Variants in ARB2A observed in about 807,000 individuals in gnomAD.
The protein encoded by ARB2A is cotranscriptional regulator ARB2A.
chr5:93,950,961 A>AT, the ARB2A span, among the ~76,000 whole-genome samples: 1 of 150,878 alleles, frequency 6.6e-6, no homozygotes, highest in East Asian at 1.9e-4. Flanking sequence ...AAAAAAAATA[A>AT]AATAAAATAA....
chr5:94,059,844 A>C, the ARB2A span, among the ~76,000 whole-genome samples: 1 of 152,086 alleles, frequency 6.6e-6, no homozygotes, highest in African/African-American at 2.4e-5. Context: ...AAAAAGCTGA[A>C]ATAATTTATC....
the ARB2A span, among the ~76,000 whole-genome samples, chr5:93,944,114 T>G: frequency 6.6e-6 from 1 of 152,164 alleles, no homozygotes; most frequent in African/African-American, 2.4e-5. Flanking sequence ...GAGGTCATCT[T>G]TGAGGTTTAC....
chr5:93,659,788 C>CT, the ARB2A span, among the ~76,000 whole-genome samples: 1 of 152,042 alleles, frequency 6.6e-6, no homozygotes, highest in African/African-American at 2.4e-5. Flanking sequence ...ACATAAGAGG[C>CT]TTTTTTCTTT....
the ARB2A span, among the ~76,000 whole-genome samples, chr5:93,715,287 T>A: frequency 1.3e-4 from 20 of 152,286 alleles, no homozygotes; most frequent in African/African-American, 4.6e-4. Context: ...AAACTATAGC[T>A]AAATTTTTTT....
chr5:93,968,102 A>G, the ARB2A span, among the ~76,000 whole-genome samples: 1 of 152,144 alleles, frequency 6.6e-6, no homozygotes, highest in African/African-American at 2.4e-5. Context: ...ATCTCACACT[A>G]AAGACCTATT....
At chr5:93,635,108 G>A in the ARB2A span, among the ~76,000 whole-genome samples, 1 of 152,038 alleles carries the variant, frequency 6.6e-6, no homozygotes, top group Non-Finnish European at 1.5e-5. Context: ...TTTACCAAAA[G>A]ATTGCAAAGT....
At chr5:93,730,475 T>C in the ARB2A span, among the ~76,000 whole-genome samples, 1 of 152,146 alleles carries the variant, frequency 6.6e-6, no homozygotes, top group Non-Finnish European at 1.5e-5. Flanking sequence ...ATTTATAATA[T>C]CTGTATTATT....
chr5:94,066,453 C>T, the ARB2A span, among the ~76,000 whole-genome samples: 1 of 151,216 alleles, frequency 6.6e-6, no homozygotes, highest in Non-Finnish European at 1.5e-5. Flanking sequence ...CACACACACA[C>T]ACACACACAC....
the ARB2A span, among the ~76,000 whole-genome samples, chr5:93,730,101 C>G: frequency 5.3e-5 from 8 of 152,024 alleles, no homozygotes; most frequent in Non-Finnish European, 7.4e-5. Flanking sequence ...AAAAATGATA[C>G]AATTTTTTAT....
At chr5:93,800,349 A>T in the ARB2A span, among the ~76,000 whole-genome samples, 2 of 151,428 alleles carry the variant, frequency 1.3e-5, no homozygotes. Flanking sequence ...CCTTTAGCTA[A>T]TAAAAATAGG....
chr5:93,740,670 G>A, the ARB2A span: 39 of 1,613,826 alleles, frequency 2.4e-5, no homozygotes, highest in Non-Finnish European at 3.2e-5. Flanking sequence ...TATCCACTGG[G>A]AGCCCCAGTC....
chr5:93,869,850 C>G, the ARB2A span, among the ~76,000 whole-genome samples: 2 of 152,208 alleles, frequency 1.3e-5, no homozygotes, highest in Non-Finnish European at 2.9e-5. Context: ...CACTGCCTAT[C>G]CCAAAACCTG....
the ARB2A span, among the ~76,000 whole-genome samples, chr5:93,885,898 TA>T: frequency 3.3e-5 from 5 of 151,718 alleles, no homozygotes; most frequent in African/African-American, 1.2e-4. Flanking sequence ...CACTTACTAA[TA>T]AATAATAAAT....
At chr5:93,669,870 G>C in the ARB2A span, among the ~76,000 whole-genome samples, 1 of 152,096 alleles carries the variant, frequency 6.6e-6, no homozygotes. Flanking sequence ...TTATGCACTT[G>C]CTATTTTTTC....
At chr5:93,759,415 A>G in the ARB2A span, among the ~76,000 whole-genome samples, 1 of 152,170 alleles carries the variant, frequency 6.6e-6, no homozygotes, top group East Asian at 1.9e-4. Context: ...CATCACCCCA[A>G]TACCAAAACC....
the ARB2A span, among the ~76,000 whole-genome samples, chr5:93,732,316 C>T: frequency 6.6e-6 from 1 of 152,110 alleles, no homozygotes; most frequent in African/African-American, 2.4e-5. Flanking sequence ...CATTTGGTTT[C>T]TTCAAAAATG....
chr5:93,779,124 T>TGTGTGCGCGC, the ARB2A span, among the ~76,000 whole-genome samples: 14 of 146,298 alleles, frequency 9.6e-5, no homozygotes, highest in African/African-American at 3.6e-4. Flanking sequence ...TGTGTGTGTG[T>TGTGTGCGCGC]GCGCGCGCGC....
the ARB2A span, among the ~76,000 whole-genome samples, chr5:93,646,125 A>G: frequency 3.3e-5 from 5 of 152,168 alleles, no homozygotes; most frequent in Admixed American, 2.0e-4. Context: ...TAGTATCAGT[A>G]GTTCTTTAGT....
the ARB2A span, among the ~76,000 whole-genome samples, chr5:93,690,620 G>C: frequency 6.6e-6 from 1 of 152,022 alleles, no homozygotes; most frequent in African/African-American, 2.4e-5. Flanking sequence ...GGTGGCTGTG[G>C]GTGCAGCTTC....
Sources: gnomAD v4.1 joint callset for allele counts (sites outside exome capture counted in the v4.1 genomes callset) on GRCh38, gnomAD v4.1.1 for gene constraint, MANE v1.5 for transcripts, NCBI Gene and HGNC (gene_info 2026-07-23, HGNC 2026-07-21) for gene names.